The following KIRREL3 variants were observed in gnomAD, a reference collection of about 807,000 sequenced individuals.
The protein encoded by KIRREL3 is kin of IRRE-like protein 3.
A neutral mutation model predicts 89.7 loss-of-function variants in KIRREL3; 36 were observed. The observed-to-expected ratio is 0.40, with a 90% CI of 0.31 to 0.53. The LOEUF (loss-of-function observed/expected upper bound fraction) is 0.53. Ranked by LOEUF, KIRREL3 falls within the 20% of genes least tolerant of loss-of-function variation. KIRREL3 has a pLI of 0.49. For missense variants in KIRREL3, 864 were observed against 1,056.6 expected (o/e 0.82, Z 2.53); for synonymous variants, 445 against 441.4 (o/e 1.01, Z -0.10).
At chr11:126,851,368 G>A (rs1339274771) in intron 1 of KIRREL3, among the ~76,000 whole-genome samples, 1 of 152,182 alleles carries the variant, frequency 6.6e-6, no homozygotes, top group Admixed American at 6.5e-5. Flanking sequence ...GTGCATATGT[G>A]ACTGAGTCCA....
At chr11:126,926,205 G>A (rs1947709284) in intron 1 of KIRREL3, among the ~76,000 whole-genome samples, 1 of 152,202 alleles carries the variant, frequency 6.6e-6, no homozygotes, top group Non-Finnish European at 1.5e-5. Flanking sequence ...AAAACTTGGG[G>A]CCTGGCACAC....
chr11:126,937,696 A>G (rs190680559), intron 1 of KIRREL3, among the ~76,000 whole-genome samples: 2,235 of 151,980 alleles, frequency 0.015, 90 homozygotes, highest in Admixed American at 0.093. Context: ...TCAGGAGATC[A>G]AGACCATCCT....
Position 126,905,120 on chromosome 11 carries a change from A to G in KIRREL3, c.55+95335T>C, listed in dbSNP as rs1212561514. Among the ~76,000 whole-genome samples, 1 of 152,202 alleles carries G rather than the reference A, an allele frequency of 6.6e-6. No homozygotes were observed. The highest frequency in any genetic ancestry group is 2.4e-5 in the African/African-American group (1 of 41,448). ...ATGAAGACAGCTGTGTGTCATCAACAGAAGGTTCTCATACCACACAGCTCA... is the reference window on the plus strand; with the variant it reads ...ATGAAGACAGCTGTGTGTCATCAACGGAAGGTTCTCATACCACACAGCTCA... On this transcript the variant is annotated intron_variant, in intron 1 of 16. Transcript: ENST00000525144. The surrounding 1 kb of genome is among the most constrained non-coding windows in gnomAD (Gnocchi z 5.0).
chr11:126,834,918 C>T (rs562876070), intron 1 of KIRREL3, among the ~76,000 whole-genome samples: 11 of 152,370 alleles, frequency 7.2e-5, no homozygotes, highest in African/African-American at 2.4e-4. Context: ...GTGGCAGCTC[C>T]ACCCACGTGC....
Position 126,719,926 on chromosome 11 carries a change from C to T in KIRREL3, c.56-157014G>A, listed in dbSNP as rs572579901. On this transcript the variant is annotated intron_variant, in intron 1 of 16. Transcript: ENST00000525144. This position sits in a 1 kb window ranked among gnomAD's most constrained non-coding sequence, Gnocchi z 4.7. Reference sequence around the variant, plus strand: ...GCAATGTCAGTTGGATCTGATCGCTCCTCTGTCCAAACTTCTGATGGCTTA... The same window carrying T: ...GCAATGTCAGTTGGATCTGATCGCTTCTCTGTCCAAACTTCTGATGGCTTA... Among the ~76,000 whole-genome samples the T allele has an allele frequency of 6.6e-6, 1 of 152,160 alleles. No homozygotes were observed. The highest frequency in any genetic ancestry group is 1.5e-5 in the Non-Finnish European group (1 of 68,026).
chr11:126,449,149 T>C lies in KIRREL3; in HGVS notation c.857A>G (p.Lys286Arg), dbSNP rs772849939. 10 of 1,613,770 alleles carry C rather than the reference T, an allele frequency of 6.2e-6. No individual in the cohort carries two copies. The Admixed American group carries it at 1.5e-4, about 24-fold the overall frequency. ...NPAVTQYRWA[K>R]RGQIIKEASG... ...TGCCTCCTTGATGATCTGGCCCCGC[T>C]TGGCCCACCTGCAACAAAGGCCAGG... The change falls in exon 8 of 17, where the codon AAG (lysine) becomes AGG (arginine). Residue 286 changes from lysine (K) to arginine (R), a missense_variant. Transcript: ENST00000525144.
chr11:126,871,275 T>G (rs1592256870), intron 1 of KIRREL3, among the ~76,000 whole-genome samples: 2 of 151,838 alleles, frequency 1.3e-5, no homozygotes, highest in Non-Finnish European at 2.9e-5. Context: ...TAAGTCTGAG[T>G]GGGGAGGGAC....
intron 1 of KIRREL3, among the ~76,000 whole-genome samples, chr11:126,632,910 G>T (rs1406964666): frequency 1.3e-5 from 2 of 150,462 alleles, no homozygotes; most frequent in African/African-American, 4.9e-5. Context: ...TGGCCAATAT[G>T]GTGAAACCCC....
chr11:126,483,151 A>G (rs1488175794), intron 4 of KIRREL3, among the ~76,000 whole-genome samples: 1 of 152,248 alleles, frequency 6.6e-6, no homozygotes, highest in Non-Finnish European at 1.5e-5. Flanking sequence ...AACGGTGTAC[A>G]GGAACTCAAA....
In KIRREL3 at chr11:126,899,321, T is replaced by C. The variant is rs138145387; in HGVS notation, c.55+101134A>G. 2.3e-3 allele frequency among the ~76,000 whole-genome samples: 349 copies of C among 152,264 alleles called. 8 individuals carry two copies. The highest frequency in any genetic ancestry group is 0.016 in the Admixed American group (250 of 15,290). On this transcript the variant is annotated intron_variant, in intron 1 of 16. Coordinates refer to ENST00000525144, the MANE Select transcript of KIRREL3 (RefSeq NM_032531.4). The stretch of plus-strand genomic sequence containing the variant: ...AGACATGAAGATAGCTAAGAAAAAG[T>C]AAATGGAGGTCATCAAAGTCATTTG...
chr11:126,650,576 C>G (rs1944869522), intron 1 of KIRREL3, among the ~76,000 whole-genome samples: 1 of 152,206 alleles, frequency 6.6e-6, no homozygotes, highest in Non-Finnish European at 1.5e-5. Context: ...ATCTCCTTTG[C>G]TCCATTTCCA....
intron 1 of KIRREL3, among the ~76,000 whole-genome samples, chr11:126,762,312 A>T (rs1420988879): frequency 6.6e-6 from 1 of 152,122 alleles, no homozygotes; most frequent in South Asian, 2.1e-4. Flanking sequence ...TGACTACAAA[A>T]CCAGGTCAGG....
chr11:126,807,309 G>T lies in KIRREL3; in HGVS notation c.55+193146C>A, dbSNP rs1951233995. ...GCACAGGAAATTGCCAGGTCACTAA[G>T]GTGAATTATGGGCACATTTCCATGT... On this transcript the variant is annotated intron_variant, in intron 1 of 16. Coordinates refer to ENST00000525144, the MANE Select transcript of KIRREL3 (RefSeq NM_032531.4). This position sits in a 1 kb window ranked among gnomAD's most constrained non-coding sequence, Gnocchi z 4.3. Among the ~76,000 whole-genome samples, 1 of 152,022 alleles carries T rather than the reference G, an allele frequency of 6.6e-6. No homozygotes were observed. Among genetic ancestry groups the T allele is most frequent in the Non-Finnish European group, 1.5e-5 (1 of 67,900 alleles).
chr11:126,875,665 C>T (rs192555319), intron 1 of KIRREL3, among the ~76,000 whole-genome samples: 93 of 152,312 alleles, frequency 6.1e-4, no homozygotes, highest in African/African-American at 2.1e-3. Context: ...GGCTTTCTAG[C>T]AAGCATTCAA....
intron 1 of KIRREL3, among the ~76,000 whole-genome samples, chr11:126,718,876 C>A (rs1209405888): frequency 6.6e-6 from 1 of 152,148 alleles, no homozygotes; most frequent in East Asian, 1.9e-4. Flanking sequence ...CCCAGGAAGC[C>A]AAGCCCTCCT....
intron 2 of KIRREL3, among the ~76,000 whole-genome samples, chr11:126,542,136 G>A (rs1256777598): frequency 1.3e-5 from 2 of 152,214 alleles, no homozygotes; most frequent in Non-Finnish European, 2.9e-5. Flanking sequence ...GTGAAAGCAG[G>A]CCCACCCGGC....
At chr11:126,590,949 G>A (rs998066396) in intron 1 of KIRREL3, among the ~76,000 whole-genome samples, 1 of 152,226 alleles carries the variant, frequency 6.6e-6, no homozygotes, top group Non-Finnish European at 1.5e-5. Flanking sequence ...CTGGCTGGGT[G>A]CGGTGGCTCA....
chr11:126,941,751 A>T (rs1158011015), intron 1 of KIRREL3, among the ~76,000 whole-genome samples: 2 of 152,216 alleles, frequency 1.3e-5, no homozygotes, highest in African/African-American at 4.8e-5. Flanking sequence ...GCTATCCCCA[A>T]ATCAGGGGCC....
chr11:126,693,842 C>T (rs570270045), intron 1 of KIRREL3, among the ~76,000 whole-genome samples: 10 of 152,244 alleles, frequency 6.6e-5, no homozygotes, highest in South Asian at 2.1e-4. Context: ...AGCCCCACTC[C>T]GCTGAACACC....
Sources: gnomAD v4.1 joint callset for allele counts (sites outside exome capture counted in the v4.1 genomes callset) on GRCh38, gnomAD v4.1.1 for gene constraint, Gnocchi (gnomAD v3.1) non-coding constraint, MANE v1.5 for transcripts, NCBI Gene and HGNC (gene_info 2026-07-23, HGNC 2026-07-21) for gene names.